CEP57: variants seen among roughly 807,000 people sequenced by gnomAD.
CEP57 encodes centrosomal protein 57, also known as centrosomal protein of 57 kDa.
A neutral mutation model predicts 68.0 loss-of-function variants in CEP57; 40 were observed. That is an observed-to-expected ratio of 0.59 (90% CI 0.46 to 0.77). The LOEUF (loss-of-function observed/expected upper bound fraction) is 0.77, where lower values mean the gene tolerates loss of function less well. Ranked by LOEUF, CEP57 falls within the 30% of genes least tolerant of loss-of-function variation. The pLI, the probability that CEP57 is intolerant of heterozygous loss-of-function variation, is 0.00. For synonymous variants in CEP57, 219 were observed against 198.7 expected (o/e 1.10, Z -0.86); for missense variants, 606 against 580.7 (o/e 1.04, Z -0.45).
At chr11:95,818,098 T>A in intron 5 of CEP57, 195 bp downstream of exon 5, 1 of 550,176 alleles carries the variant, frequency 1.8e-6, no homozygotes, top group Non-Finnish European at 3.2e-6. Context: ...TTTTTTTTTA[T>A]GAAAATGTTT....
At chr11:95,815,317 C>G (rs978559129) in intron 4 of CEP57, 8 of 152,130 alleles carry the variant, frequency 5.3e-5, no homozygotes, top group African/African-American at 1.9e-4. Flanking sequence ...TATAATTTTT[C>G]ATTTTCATTT....
In CEP57 at chr11:95,828,120, T is replaced by C. The variant is rs191826771; in HGVS notation, c.1127+93T>C. ...CTTTATTAAATCTTACTTTCCTTTG[T>C]TGAGCAAGTATGGTTGAGCACAATC... On this transcript the variant is annotated intron_variant, in intron 9 of 10. Transcript: ENST00000325542. 661 of 1,454,310 alleles carry C rather than the reference T, an allele frequency of 4.5e-4. 4 individuals are homozygous for C. Among genetic ancestry groups the C allele is most frequent in the Non-Finnish European group, 3.7e-5 (40 of 1,073,428 alleles). The allele number at this position is 1,454,310 out of a possible 1,614,324, so 90.1% of individuals were successfully genotyped here. A position where few individuals can be genotyped will look rare whatever the true frequency, so the allele number is the denominator to read the frequency against.
At position 95,790,606 on chromosome 11, in the gene CEP57, G is replaced by C; in HGVS notation, c.-93G>C. 1 of 1,483,806 alleles carries C rather than the reference G, an allele frequency of 6.7e-7. No individual in the cohort carries two copies. The highest frequency in any genetic ancestry group is 9.3e-7 in the Non-Finnish European group (1 of 1,081,024). The allele number at this position is 1,483,806 out of a possible 1,614,324, so 91.9% of individuals were successfully genotyped here. A position where few individuals can be genotyped will look rare whatever the true frequency, so the allele number is the denominator to read the frequency against. ...TTTTCCATCAGGGGTTCAGCCTAGGGTCCCCGCTGGTGGGCGGCTCCCGAG... is the reference window on the plus strand; with the variant it reads ...TTTTCCATCAGGGGTTCAGCCTAGGCTCCCCGCTGGTGGGCGGCTCCCGAG... On this transcript the variant is annotated 5_prime_UTR_variant, in exon 1 of 11. Coordinates refer to ENST00000325542, the MANE Select transcript of CEP57 (RefSeq NM_014679.5).
At chr11:95,830,965 C>A in intron 10 of CEP57, 61 bp from the exon 11 acceptor site, 1 of 1,353,214 alleles carries the variant, frequency 7.4e-7, no homozygotes, top group Non-Finnish European at 1.1e-6. Context: ...TTTTTGTTGT[C>A]AGAAAAAAAA....
At chr11:95,822,368 A>T (rs1862553152) in intron 7 of CEP57, 131 bp from the exon 8 acceptor site, 1 of 716,406 alleles carries the variant, frequency 1.4e-6, no homozygotes, top group Admixed American at 2.1e-5. Context: ...CTGGCTTGTG[A>T]TCATAATGCC....
At chr11:95,794,420 A>C (rs1861244191) in intron 1 of CEP57, 1 of 425,852 alleles carries the variant, frequency 2.3e-6, no homozygotes, top group Admixed American at 2.6e-5. Context: ...GATTATACCA[A>C]CAACCCTCTT....
rs554272032 is a variant in CEP57, at chr11:95,792,626, A to C, written c.45+1883A>C. Among the ~76,000 whole-genome samples, 80 of 152,194 alleles carry C rather than the reference A, an allele frequency of 5.3e-4. No homozygotes were observed. The Middle Eastern group carries it at 0.01, about 19-fold the overall frequency. On this transcript the variant is annotated intron_variant, in intron 1 of 10. Transcript: ENST00000325542. ...CAAAGACTGTTCATTAGGAAAGCAT[A>C]TTTTTTTTGTGCTAAGCTCAGCTTT...
intron 2 of CEP57, among the ~76,000 whole-genome samples, chr11:95,801,050 T>C (rs550305759): frequency 1.3e-5 from 2 of 152,314 alleles, no homozygotes; most frequent in African/African-American, 4.8e-5. Context: ...CATTTGTAAA[T>C]TAGTTGAGGA....
At chr11:95,826,752 A>G (rs765999380) in intron 8 of CEP57, 1 of 152,218 alleles carries the variant, frequency 6.6e-6, no homozygotes, top group Non-Finnish European at 1.5e-5. Flanking sequence ...AAGTGTACTC[A>G]TAGGCAATTA....
intron 8 of CEP57, chr11:95,825,798 A>C (rs1453950323): frequency 6.6e-6 from 1 of 151,808 alleles, no homozygotes; most frequent in Admixed American, 6.6e-5. Flanking sequence ...GGGTTTCTCC[A>C]TGTTGGCCAG....
intron 1 of CEP57, among the ~76,000 whole-genome samples, chr11:95,798,799 T>C (rs1861453903): frequency 6.6e-6 from 1 of 152,256 alleles, no homozygotes; most frequent in African/African-American, 2.4e-5. Flanking sequence ...CCTTATTTTC[T>C]TTCTGGAGTT....
chr11:95,815,378 G>C (rs1357815345), intron 4 of CEP57: 2 of 152,028 alleles, frequency 1.3e-5, no homozygotes, highest in African/African-American at 4.8e-5. Context: ...CTGTTACTCT[G>C]TGGTTTTTAT....
chr11:95,824,512 AT>A (rs1456010475), intron 8 of CEP57, among the ~76,000 whole-genome samples: 2 of 152,314 alleles, frequency 1.3e-5, no homozygotes, highest in East Asian at 1.9e-4. Flanking sequence ...TGGCTTGATA[AT>A]TTTAGAGGTT....
At chr11:95,817,000 G>C (rs1035133671) in intron 4 of CEP57, among the ~76,000 whole-genome samples, 7 of 150,526 alleles carry the variant, frequency 4.7e-5, no homozygotes, top group African/African-American at 1.2e-4. Flanking sequence ...GACAGAGCAA[G>C]ACCCCATCTC....
chr11:95,815,543 A>G (rs1390060073), intron 4 of CEP57, among the ~76,000 whole-genome samples: 3 of 152,064 alleles, frequency 2.0e-5, no homozygotes, highest in Non-Finnish European at 2.9e-5. Context: ...AAGAAAAGTT[A>G]TATGGTGGTC....
intron 1 of CEP57, among the ~76,000 whole-genome samples, chr11:95,793,246 A>G (rs547752514): frequency 6.6e-6 from 1 of 152,350 alleles, no homozygotes; most frequent in African/African-American, 2.4e-5. Flanking sequence ...CGACTGGTGG[A>G]AAAGGCAGGA....
chr11:95,819,211 C>T (rs539184976), intron 6 of CEP57, among the ~76,000 whole-genome samples: 19 of 152,254 alleles, frequency 1.2e-4, no homozygotes, highest in African/African-American at 3.9e-4. Context: ...TTCTTACGGC[C>T]ATTATCAGTA....
intron 9 of CEP57, 48 bp downstream of exon 9, chr11:95,828,075 A>AT: frequency 6.4e-7 from 1 of 1,563,894 alleles, no homozygotes; most frequent in Non-Finnish European, 8.7e-7. Context: ...CTAAAACCTC[A>AT]TTTTTTAAAA....
chr11:95,800,166 CT>C (rs1486753679), intron 2 of CEP57, among the ~76,000 whole-genome samples: 2 of 152,144 alleles, frequency 1.3e-5, no homozygotes, highest in East Asian at 3.9e-4. Context: ...CAAGGCTTTG[CT>C]TGGGGCTCTG....
Sources: gnomAD v4.1 joint callset for allele counts (sites outside exome capture counted in the v4.1 genomes callset) on GRCh38, gnomAD v4.1.1 for gene constraint, MANE v1.5 for transcripts, NCBI Gene and HGNC (gene_info 2026-07-23, HGNC 2026-07-21) for gene names.